MTMR7: variants seen among roughly 807,000 people sequenced by gnomAD.
MTMR7 encodes the protein myotubularin related protein 7.
Under a neutral mutation model 81.2 loss-of-function variants are expected in MTMR7, and 76 were observed. That is an observed-to-expected ratio of 0.94 (90% CI 0.78 to 1.13). MTMR7 has a LOEUF of 1.13. Ranked by LOEUF, MTMR7 falls within the 50% of genes most tolerant of loss-of-function variation. The probability of loss-of-function intolerance (pLI) is 0.00; values close to 1 mark genes in which losing one functional copy is unlikely to be tolerated. For synonymous variants in MTMR7, 372 were observed against 289.8 expected, an observed-to-expected ratio of 1.28 and a Z score of -2.88; for missense variants, 1,044 against 820.0, an observed-to-expected ratio of 1.27 and a Z score of -3.34.
intron 1 of MTMR7, among the ~76,000 whole-genome samples, chr8:17,402,664 G>C (rs948928807): frequency 6.6e-5 from 10 of 152,120 alleles, no homozygotes; most frequent in Non-Finnish European, 1.3e-4. Context: ...TTCGTCTGTT[G>C]ATGGCCACTT....
At chr8:17,355,738 A>AAT (rs59133128) in intron 4 of MTMR7, among the ~76,000 whole-genome samples, 233 of 152,138 alleles carry the variant, frequency 1.5e-3, no homozygotes, top group African/African-American at 5.2e-3. Flanking sequence ...AAGAACTACA[A>AAT]CAAGAAAACA....
At chr8:17,373,370 C>G in intron 1 of MTMR7, 130 bp from the exon 2 acceptor site, 1 of 1,041,298 alleles carries the variant, frequency 9.6e-7, no homozygotes, top group Non-Finnish European at 1.3e-6. Context: ...ATAATAAAAA[C>G]CAAAAACTTC....
chr8:17,328,017 T>C (rs1322985268), intron 7 of MTMR7, among the ~76,000 whole-genome samples: 3 of 152,348 alleles, frequency 2.0e-5, no homozygotes, highest in East Asian at 3.9e-4. Context: ...TTTAGTTTAA[T>C]GAATACATTG....
intron 1 of MTMR7, among the ~76,000 whole-genome samples, chr8:17,377,673 C>T (rs1820630935): frequency 6.6e-6 from 1 of 152,062 alleles, no homozygotes; most frequent in Admixed American, 6.6e-5. Flanking sequence ...TAAATTCAAT[C>T]ATTTTCCTCC....
intron 1 of MTMR7, among the ~76,000 whole-genome samples, chr8:17,390,842 G>A (rs1821084825): frequency 6.6e-6 from 1 of 152,140 alleles, no homozygotes; most frequent in Admixed American, 6.5e-5. Context: ...GTAGTAAGGG[G>A]AAACCACCCC....
chr8:17,317,106 T>G (rs1175717377), intron 7 of MTMR7, among the ~76,000 whole-genome samples: 1 of 152,244 alleles, frequency 6.6e-6, no homozygotes, highest in Non-Finnish European at 1.5e-5. Flanking sequence ...TTTTCCAGAC[T>G]TTTTAGAATT....
chr8:17,306,832 CA>C (rs1208557070), intron 10 of MTMR7, among the ~76,000 whole-genome samples: 5 of 152,138 alleles, frequency 3.3e-5, no homozygotes, highest in African/African-American at 1.2e-4. Flanking sequence ...CTAGGCTAGC[CA>C]TATGTAGAAA....
intron 1 of MTMR7, among the ~76,000 whole-genome samples, chr8:17,410,830 A>ATTGCTTTT (rs1563387237): frequency 6.6e-6 from 1 of 152,212 alleles, no homozygotes; most frequent in Non-Finnish European, 1.5e-5. Flanking sequence ...CAGAAAAGCA[A>ATTGCTTTT]CTGTACATTA....
chr8:17,376,584 A>G (rs1314815339), intron 1 of MTMR7, among the ~76,000 whole-genome samples: 4 of 152,144 alleles, frequency 2.6e-5, no homozygotes, highest in African/African-American at 9.7e-5. Context: ...ACTTCTCCAC[A>G]TCCTTGATAA....
chr8:17,387,177 G>C (rs562404850), intron 1 of MTMR7, among the ~76,000 whole-genome samples: 1 of 152,288 alleles, frequency 6.6e-6, no homozygotes, highest in South Asian at 2.1e-4. Flanking sequence ...CTATGCATGT[G>C]AAGATATCCC....
chr8:17,407,181 T>G (rs1821612263), intron 1 of MTMR7, among the ~76,000 whole-genome samples: 1 of 152,102 alleles, frequency 6.6e-6, no homozygotes, highest in Non-Finnish European at 1.5e-5. Flanking sequence ...CACCCATTAT[T>G]AAAATGGGGA....
chr8:17,339,297 C>T lies in MTMR7; in HGVS notation c.732+2066G>A, dbSNP rs184303369. On this transcript the variant is annotated intron_variant, in intron 6 of 13. Coordinates refer to ENST00000180173, the MANE Select transcript of MTMR7 (RefSeq NM_004686.5). ...GTAATTCACATGTCATACTATTCACCCATTTAAAGCATACGACTCAATGGT... is the reference window on the plus strand; with the variant it reads ...GTAATTCACATGTCATACTATTCACTCATTTAAAGCATACGACTCAATGGT... Among the ~76,000 whole-genome samples the T allele has an allele frequency of 3.4e-3, 517 of 152,222 alleles. 4 individuals carry two copies. Among genetic ancestry groups the T allele is most frequent in the African/African-American group, 0.012 (498 of 41,544 alleles).
At chr8:17,336,491 C>A (rs1419902169) in intron 6 of MTMR7, among the ~76,000 whole-genome samples, 1 of 152,112 alleles carries the variant, frequency 6.6e-6, no homozygotes, top group African/African-American at 2.4e-5. Flanking sequence ...CTCTCAAGCA[C>A]CCCTCATCTC....
At chr8:17,393,016 C>T (rs559836593) in intron 1 of MTMR7, among the ~76,000 whole-genome samples, 8 of 152,226 alleles carry the variant, frequency 5.3e-5, no homozygotes, top group South Asian at 2.1e-4. Context: ...AAAACCAAAG[C>T]TTTCAAGATC....
chr8:17,327,796 T>C (rs1818765997), intron 7 of MTMR7, among the ~76,000 whole-genome samples: 1 of 152,188 alleles, frequency 6.6e-6, no homozygotes, highest in Admixed American at 6.5e-5. Context: ...TACTTTGAGG[T>C]TTTAACTTAC....
intron 4 of MTMR7, among the ~76,000 whole-genome samples, chr8:17,353,783 T>G (rs987471904): frequency 1.4e-4 from 22 of 152,334 alleles, no homozygotes; most frequent in African/African-American, 5.1e-4. Context: ...GGAAACCGAT[T>G]TTCTTTGTGC....
intron 4 of MTMR7, among the ~76,000 whole-genome samples, chr8:17,355,393 T>C (rs1452272831): frequency 6.6e-6 from 1 of 152,148 alleles, no homozygotes; most frequent in Admixed American, 6.6e-5. Context: ...CATGGAAGTG[T>C]CCATTCTAGC....
chr8:17,308,417 T>C (rs1378744661), intron 10 of MTMR7, among the ~76,000 whole-genome samples: 1 of 152,136 alleles, frequency 6.6e-6, no homozygotes, highest in South Asian at 2.1e-4. Context: ...CTGGAAAAAA[T>C]TAGAAAAATA....
chr8:17,406,434 G>C (rs1390586061), intron 1 of MTMR7, among the ~76,000 whole-genome samples: 3 of 152,062 alleles, frequency 2.0e-5, no homozygotes, highest in Non-Finnish European at 4.4e-5. Context: ...TCAAAACCAG[G>C]ATGAGATACC....
Sources: allele counts gnomAD v4.1 joint callset (sites outside exome capture counted in the v4.1 genomes callset), GRCh38; gene constraint gnomAD v4.1.1; transcripts MANE v1.5; gene names NCBI Gene and HGNC (gene_info 2026-07-23, HGNC 2026-07-21).